Variants in MCM2 observed in about 807,000 individuals in gnomAD.
MCM2 encodes the protein DNA replication licensing factor MCM2.
In MCM2, 49 loss-of-function variants were observed where a neutral mutation model predicts 86.4. The ratio of observed to expected loss-of-function variants is 0.57; its 90% confidence interval spans 0.45 to 0.72. MCM2 has a LOEUF of 0.72. Among genes scored for constraint, MCM2 ranks in the 30% least tolerant of loss-of-function variants. MCM2 has a pLI of 0.00. For synonymous variants in MCM2, 475 were observed against 484.6 expected, an observed-to-expected ratio of 0.98 and a Z score of 0.26; for missense variants, 1,038 against 1,259.9, an observed-to-expected ratio of 0.82 and a Z score of 2.67.
intron 9 of MCM2, 118 bp from the exon 10 acceptor site, chr3:127,616,750 G>T (rs2074435909): frequency 6.9e-6 from 8 of 1,162,532 alleles, no homozygotes; most frequent in African/African-American, 1.5e-5. Context: ...CCTTTCTAGA[G>T]GGACTGTGCC....
chr3:127,619,603 C>G (rs1299830865), intron 13 of MCM2, among the ~76,000 whole-genome samples: 1 of 152,120 alleles, frequency 6.6e-6, no homozygotes, highest in Non-Finnish European at 1.5e-5. Flanking sequence ...CGCTTGAACC[C>G]GGGAGGCGGA....
chr3:127,600,687 ACGG>A (rs2074301262), intron 2 of MCM2, among the ~76,000 whole-genome samples: 1 of 151,966 alleles, frequency 6.6e-6, no homozygotes, highest in South Asian at 2.1e-4. Flanking sequence ...TGGGTCCTAG[ACGG>A]CTTTCCTGTT....
rs769573785 is a variant in MCM2, at chr3:127,604,737, G to GGA, written c.368_369dup (p.Ala124ArgfsTer45). 1.9e-6 allele frequency: 3 copies of GGA among 1,609,808 alleles called. No individual in the cohort carries two copies. Among genetic ancestry groups the GGA allele is most frequent in the Non-Finnish European group, 2.5e-6 (3 of 1,178,894 alleles). On this transcript the variant is annotated frameshift_variant, in exon 3 of 16. Coordinates refer to ENST00000265056, the MANE Select transcript of MCM2 (RefSeq NM_004526.4). LOFTEE classifies it high-confidence loss of function. ...AGCGGGCCATGCGGCAGCGTGACCG[G>GGA]GAGGCTGGCCGGGGCCTGGGCCGCA...
Position 127,617,557 on chromosome 3 carries a change from G to A in MCM2, c.1900+152G>A. 1 of 1,011,950 alleles carries A rather than the reference G, an allele frequency of 9.9e-7. No homozygotes were observed. The highest frequency in any genetic ancestry group is 1.4e-6 in the Non-Finnish European group (1 of 712,820). The allele number at this position is 1,011,950 out of a possible 1,614,324, so 62.7% of individuals were successfully genotyped here. A position where few individuals can be genotyped will look rare whatever the true frequency, so the allele number is the denominator to read the frequency against. On this transcript the variant is annotated intron_variant, in intron 11 of 15. Coordinates refer to ENST00000265056, the MANE Select transcript of MCM2 (RefSeq NM_004526.4). This position sits in a 1 kb window ranked among gnomAD's most constrained non-coding sequence, Gnocchi z 4.1. ...CTCTTCTGCATATCCTGCCAGAGTG[G>A]GGAACAGTGAAAGTGGGACCTGGGA...
intron 8 of MCM2, among the ~76,000 whole-genome samples, chr3:127,615,170 G>T (rs918792594): frequency 6.6e-6 from 1 of 152,212 alleles, no homozygotes; most frequent in South Asian, 2.1e-4. Flanking sequence ...AAGGATGTGG[G>T]TGTGGCCAGT....
At chr3:127,620,057 T>C (rs1039303820) in intron 13 of MCM2, among the ~76,000 whole-genome samples, 1 of 152,250 alleles carries the variant, frequency 6.6e-6, no homozygotes, top group Non-Finnish European at 1.5e-5. Flanking sequence ...GAAATTTAAA[T>C]GTGCATTCAT....
At chr3:127,605,757 A>G (rs1356246325) in intron 4 of MCM2, among the ~76,000 whole-genome samples, 2 of 152,144 alleles carry the variant, frequency 1.3e-5, no homozygotes, top group East Asian at 1.9e-4. Flanking sequence ...GACTTTTAAA[A>G]GGGACATGTA....
rs756622012 is a variant in MCM2 at position 127,608,460 on chromosome 3, A to G, written c.1180A>G (p.Lys394Glu). ...KVAAGRLPRSKDAILLADLVD... is the reference protein window; with the variant it reads ...KVAAGRLPRSEDAILLADLVD... The stretch of plus-strand genomic sequence containing the variant: ...GGCGGCTGGCCGGCTGCCCCGCTCC[A>G]AGGACGCCATTCTCCTCGCAGATCT... Residue 394 changes from lysine (K) to glutamate (E), a missense_variant, in exon 7 of 16, where the codon AAG becomes GAG. By Grantham distance (56) the Lys-to-Glu change is moderately conservative (BLOSUM62 1). Coordinates refer to ENST00000265056, the MANE Select transcript of MCM2 (RefSeq NM_004526.4). 6.2e-7 allele frequency: 1 copy of G among 1,614,202 alleles called. No individual in the cohort carries two copies. The highest frequency in any genetic ancestry group is 8.5e-7 in the Non-Finnish European group (1 of 1,180,038).
chr3:127,602,182 T>G (rs961771295), intron 2 of MCM2, among the ~76,000 whole-genome samples: 1 of 149,996 alleles, frequency 6.7e-6, no homozygotes, highest in African/African-American at 2.5e-5. Flanking sequence ...TTTTTTTTTT[T>G]GTATGAACCA....
At chr3:127,604,266 T>C in intron 2 of MCM2, 1 of 227,274 alleles carries the variant, frequency 4.4e-6, no homozygotes, top group East Asian at 9.0e-5. Context: ...ACTTTCTGTT[T>C]CTGTGAATTT....
chr3:127,617,583 C>A lies in MCM2; in HGVS notation c.1900+178C>A. On this transcript the variant is annotated intron_variant, in intron 11 of 15. Coordinates refer to ENST00000265056, the MANE Select transcript of MCM2 (RefSeq NM_004526.4). The surrounding 1 kb of genome is among the most constrained non-coding windows in gnomAD (Gnocchi z 4.1). Reference sequence around the variant, plus strand: ...GGAACAGTGAAAGTGGGACCTGGGACACCTGGGTTTCCTGTTGAGTCATGT... The same window carrying A: ...GGAACAGTGAAAGTGGGACCTGGGAAACCTGGGTTTCCTGTTGAGTCATGT... The A allele has an allele frequency of 5.1e-6, 4 of 780,816 alleles. No individual in the cohort carries two copies. Among genetic ancestry groups the A allele is most frequent in the Non-Finnish European group, 8.0e-6 (4 of 502,854 alleles). 48.4% of individuals were successfully genotyped at this position (780,816 alleles called of 1,614,324 possible). A position where few individuals can be genotyped will look rare whatever the true frequency, so the allele number is the denominator to read the frequency against.
intron 2 of MCM2, among the ~76,000 whole-genome samples, chr3:127,602,581 T>A (rs1258665865): frequency 2.6e-5 from 4 of 152,222 alleles, no homozygotes; most frequent in Admixed American, 2.6e-4. Context: ...TCAGATGGAA[T>A]GACAGTGTCT....
chr3:127,621,299 T>C, intron 15 of MCM2, 71 bp downstream of exon 15: 1 of 1,564,760 alleles, frequency 6.4e-7, no homozygotes, highest in Non-Finnish European at 8.7e-7. Flanking sequence ...TGATGGGGGC[T>C]CCATCATAAT....
intron 8 of MCM2, 55 bp downstream of exon 8, chr3:127,609,078 G>A (rs2074373450): frequency 2.5e-6 from 4 of 1,583,284 alleles, no homozygotes; most frequent in Non-Finnish European, 3.4e-6. Flanking sequence ...GATATGGAGG[G>A]TTGCTGGGGC....
chr3:127,608,814 G>A lies in MCM2; in HGVS notation c.1237-18G>A. Reference sequence around the variant, plus strand: ...CCCTGGGTTAGGCTCTGACTTCTTGGCCCCTCCCTTTCCCCAGGAGCTGAC... The same window carrying A: ...CCCTGGGTTAGGCTCTGACTTCTTGACCCCTCCCTTTCCCCAGGAGCTGAC... On this transcript the variant is annotated intron_variant, in intron 7 of 15. Transcript: ENST00000265056. The A allele has an allele frequency of 6.2e-7, 1 of 1,612,860 alleles. No individual in the cohort carries two copies. Among genetic ancestry groups the A allele is most frequent in the Non-Finnish European group, 8.5e-7 (1 of 1,179,156 alleles).
intron 1 of MCM2, 103 bp from the exon 2 acceptor site, chr3:127,599,215 C>CA: frequency 1.1e-6 from 1 of 919,598 alleles, no homozygotes; most frequent in Non-Finnish European, 1.7e-6. Context: ...GGACAAGAGT[C>CA]ACAGGTGGAG....
Position 127,606,301 on chromosome 3 carries a change from C to G in MCM2, c.857C>G (p.Ser286Cys). 1 of 1,614,270 alleles carries G rather than the reference C, an allele frequency of 6.2e-7. No individual in the cohort carries two copies. The highest frequency in any genetic ancestry group is 8.5e-7 in the Non-Finnish European group (1 of 1,180,050). Reference sequence around the variant, plus strand: ...ACCAACCACATCCATGTCCGCATCTCCCACCTGCCTCTGGTGGAGGAGCTG... The same window carrying G: ...ACCAACCACATCCATGTCCGCATCTGCCACCTGCCTCTGGTGGAGGAGCTG... ...RITNHIHVRI[S>C]HLPLVEELRS... Residue 286 changes from serine to cysteine, a missense_variant, in exon 5 of 16, where the codon TCC (serine) becomes TGC (cysteine). Ser to Cys is a moderately radical substitution (Grantham distance 112, BLOSUM62 -1). Around this residue, in one of 4 missense-constraint regions of MCM2, gnomAD observed 399 missense variants for 507.2 expected, o/e 0.79. Coordinates refer to ENST00000265056, the MANE Select transcript of MCM2 (RefSeq NM_004526.4). The surrounding 1 kb of genome is among the most constrained non-coding windows in gnomAD (Gnocchi z 4.2).
At position 127,611,690 on chromosome 3, in the gene MCM2, T is replaced by TG. The variant is rs1559864724; in HGVS notation, c.1428+2667_1428+2668insG. Among the ~76,000 whole-genome samples the TG allele has an allele frequency of 1.6e-3, 168 of 104,728 alleles. 1 individual carries two copies. The highest frequency in any genetic ancestry group is 6.1e-3 in the African/African-American group (140 of 22,890). 68.7% of individuals were successfully genotyped at this position (104,728 alleles called of 152,430 possible). On this transcript the variant is annotated intron_variant, in intron 8 of 15. Coordinates refer to ENST00000265056, the MANE Select transcript of MCM2 (RefSeq NM_004526.4). ...CAGGCTTCTGCAGCTGACTTTTTTT[T>TG]TTTTTTTTTTTTTTTTTTTTTTTTT...
In MCM2 at chr3:127,606,375, C is replaced by T. The variant is rs1387261174; in HGVS notation, c.893+38C>T. 6.3e-7 allele frequency: 1 copy of T among 1,597,270 alleles called. No homozygotes were observed. Among genetic ancestry groups the T allele is most frequent in the Non-Finnish European group, 8.6e-7 (1 of 1,165,548 alleles). On this transcript the variant is annotated intron_variant, in intron 5 of 15. Coordinates refer to ENST00000265056, the MANE Select transcript of MCM2 (RefSeq NM_004526.4). The surrounding 1 kb of genome is among the most constrained non-coding windows in gnomAD (Gnocchi z 4.2). ...CAGGTGAGGATGGCAGGTCCGAGCT[C>T]AGTGCTGGGTGACTCGGTCGTGATT...
Sources: allele counts gnomAD v4.1 joint callset (sites outside exome capture counted in the v4.1 genomes callset), GRCh38; gene constraint gnomAD v4.1.1; regional missense constraint gnomAD v4.1.1; non-coding constraint Gnocchi (gnomAD v3.1); transcripts MANE v1.5; gene names NCBI Gene and HGNC (gene_info 2026-07-23, HGNC 2026-07-21).